ADAMTS6: variants seen among roughly 807,000 people sequenced by gnomAD.
ADAMTS6 encodes A disintegrin and metalloproteinase with thrombospondin motifs 6.
ADAMTS6 carries 23 observed loss-of-function variants against 144.3 expected under a neutral mutation model. That is an observed-to-expected ratio of 0.16 (90% CI 0.11 to 0.23). The LOEUF (loss-of-function observed/expected upper bound fraction) is 0.23. Ranked by LOEUF, ADAMTS6 falls within the 10% of genes least tolerant of loss-of-function variation. The pLI is 1.00. For missense variants in ADAMTS6, 999 were observed against 1,379.6 expected (o/e 0.72, Z 4.37); for synonymous variants, 444 against 457.5 (o/e 0.97, Z 0.38).
At chr5:65,167,309 T>TA (rs1287659509) in intron 24 of ADAMTS6, among the ~76,000 whole-genome samples, 1 of 152,136 alleles carries the variant, frequency 6.6e-6, no homozygotes, top group Non-Finnish European at 1.5e-5. Context: ...CCTCGACACA[T>TA]ACACCCTCCC....
intron 9 of ADAMTS6, among the ~76,000 whole-genome samples, chr5:65,300,785 C>T (rs1266695430): frequency 6.6e-6 from 1 of 152,004 alleles, no homozygotes; most frequent in Non-Finnish European, 1.5e-5. Context: ...GCACCTGTCA[C>T]CCCGCCTGGC....
At chr5:65,289,817 A>G (rs1742109976) in intron 11 of ADAMTS6, among the ~76,000 whole-genome samples, 1 of 152,216 alleles carries the variant, frequency 6.6e-6, no homozygotes. Context: ...TTGCTAACAA[A>G]GAAATGAGAG....
At chr5:65,252,052 T>A (rs1214616754) in intron 14 of ADAMTS6, among the ~76,000 whole-genome samples, 2 of 152,220 alleles carry the variant, frequency 1.3e-5, no homozygotes, top group African/African-American at 2.4e-5. Context: ...ACTTGGCCTA[T>A]GTTGACTCTA....
At chr5:65,308,271 T>C (rs964338277) in intron 9 of ADAMTS6, among the ~76,000 whole-genome samples, 2 of 152,232 alleles carry the variant, frequency 1.3e-5, no homozygotes, top group Non-Finnish European at 2.9e-5. Flanking sequence ...TGTTAAGAAC[T>C]ACTGGTGCCT....
At chr5:65,282,015 A>C (rs568120630) in intron 11 of ADAMTS6, among the ~76,000 whole-genome samples, 1 of 152,328 alleles carries the variant, frequency 6.6e-6, no homozygotes, top group East Asian at 1.9e-4. Context: ...AGGAGGTGAC[A>C]TCATGAAAGA....
chr5:65,197,251 G>A (rs1207841782), intron 20 of ADAMTS6, 100 bp from the exon 21 acceptor site: 16 of 1,227,272 alleles, frequency 1.3e-5, no homozygotes, highest in Middle Eastern at 2.9e-4. Context: ...TCACTGGATC[G>A]CTGCCGTCTT....
chr5:65,414,594 G>A (rs1755343517), intron 7 of ADAMTS6, among the ~76,000 whole-genome samples: 1 of 152,174 alleles, frequency 6.6e-6, no homozygotes, highest in Non-Finnish European at 1.5e-5. Context: ...AAAGCCATAT[G>A]AGAGGTAAGA....
At chr5:65,441,128 G>A (rs1402822586) in intron 7 of ADAMTS6, among the ~76,000 whole-genome samples, 1 of 152,054 alleles carries the variant, frequency 6.6e-6, no homozygotes, top group Non-Finnish European at 1.5e-5. Context: ...CTAAAGCCTA[G>A]AGATCTGAAA....
rs140615749 is a variant in ADAMTS6 at position 65,271,185 on chromosome 5, G to A, written c.1620+2155C>T. Among the ~76,000 whole-genome samples, 394 of 151,858 alleles carry A rather than the reference G, an allele frequency of 2.6e-3. 4 individuals carry two copies. The highest frequency in any genetic ancestry group is 9.0e-3 in the African/African-American group (375 of 41,452). On this transcript the variant is annotated intron_variant, in intron 12 of 24. Transcript: ENST00000381055. ...TGGGCGGATCACAAGGTCAGGAGAT[G>A]GAGACCAGCCTGGCCAAAGTGGTGA...
chr5:65,476,321 A>C (rs767272445), intron 1 of ADAMTS6, among the ~76,000 whole-genome samples: 1 of 152,216 alleles, frequency 6.6e-6, no homozygotes, highest in Non-Finnish European at 1.5e-5. Flanking sequence ...CTGAGGACAT[A>C]ACCCCTAGAT....
chr5:65,308,996 A>C (rs118103670), intron 9 of ADAMTS6, among the ~76,000 whole-genome samples: 1 of 152,030 alleles, frequency 6.6e-6, no homozygotes, highest in Admixed American at 6.6e-5. Flanking sequence ...GACAATATTA[A>C]TGTTTGTTAA....
intron 7 of ADAMTS6, among the ~76,000 whole-genome samples, chr5:65,390,083 G>GA (rs376953850): frequency 4.0e-5 from 6 of 151,600 alleles, no homozygotes; most frequent in Admixed American, 2.0e-4. Flanking sequence ...ATAAGTCATT[G>GA]AAAAAAAACT....
chr5:65,417,187 G>A (rs970517415), intron 7 of ADAMTS6, among the ~76,000 whole-genome samples: 2 of 152,062 alleles, frequency 1.3e-5, no homozygotes, highest in African/African-American at 4.8e-5. Context: ...ATCCCTTTAT[G>A]ACAAAAACCT....
At chr5:65,468,546 C>G (rs1254538802) in intron 3 of ADAMTS6, among the ~76,000 whole-genome samples, 1 of 151,882 alleles carries the variant, frequency 6.6e-6, no homozygotes, top group African/African-American at 2.4e-5. Flanking sequence ...TACGAACTGC[C>G]AAGGGAAAAA....
chr5:65,349,679 A>AC (rs1748665946), intron 7 of ADAMTS6, among the ~76,000 whole-genome samples: 1 of 151,968 alleles, frequency 6.6e-6, no homozygotes, highest in Non-Finnish European at 1.5e-5. Flanking sequence ...ATATGGTGAA[A>AC]CCCCATCTCC....
chr5:65,217,944 G>A lies in ADAMTS6; in HGVS notation c.2273-2457C>T, dbSNP rs577080963. ...CTTTTCTCATGCATTGACCAGAACTGTGCAGAGACCATGATCTCCACAACT... is the reference window on the plus strand; with the variant it reads ...CTTTTCTCATGCATTGACCAGAACTATGCAGAGACCATGATCTCCACAACT... On this transcript the variant is annotated intron_variant, in intron 18 of 24. Transcript: ENST00000381055. Among the ~76,000 whole-genome samples, 168 of 152,184 alleles carry A rather than the reference G, an allele frequency of 1.1e-3. 2 individuals are homozygous for A. Among genetic ancestry groups the A allele is most frequent in the Non-Finnish European group, 2.1e-3 (141 of 67,998 alleles).
At chr5:65,215,590 T>C in intron 18 of ADAMTS6, 103 bp from the exon 19 acceptor site, 1 of 990,920 alleles carries the variant, frequency 1.0e-6, no homozygotes, top group Non-Finnish European at 1.5e-6. Flanking sequence ...CCGATTTCCA[T>C]TTAGAGATGT....
In ADAMTS6 at chr5:65,260,581, A is replaced by T. The variant is rs762865796; in HGVS notation, c.1830+19T>A. On this transcript the variant is annotated intron_variant, in intron 14 of 24. Transcript: ENST00000381055. ...AAAGAGTAAGCTAATTTTTCATAACAGAGTTTGGTTTTACTTACATCTGTG... is the reference window on the plus strand; with the variant it reads ...AAAGAGTAAGCTAATTTTTCATAACTGAGTTTGGTTTTACTTACATCTGTG... 6.2e-7 allele frequency: 1 copy of T among 1,608,246 alleles called. No individual in the cohort carries two copies. The highest frequency in any genetic ancestry group is 2.2e-5 in the East Asian group (1 of 44,730).
At chr5:65,401,056 T>C (rs1464731978) in intron 7 of ADAMTS6, among the ~76,000 whole-genome samples, 1 of 152,204 alleles carries the variant, frequency 6.6e-6, no homozygotes, top group Admixed American at 6.5e-5. Context: ...ATGCTTGCTC[T>C]GTCTCTTCAA....
Sources: allele counts gnomAD v4.1 joint callset (sites outside exome capture counted in the v4.1 genomes callset), GRCh38; gene constraint gnomAD v4.1.1; transcripts MANE v1.5; gene names NCBI Gene and HGNC (gene_info 2026-07-23, HGNC 2026-07-21).